The following PRKCB variants were observed in gnomAD, a reference collection of about 807,000 sequenced individuals.
PRKCB encodes the protein protein kinase C beta.
A neutral mutation model predicts 81.5 loss-of-function variants in PRKCB; 13 were observed. The ratio of observed to expected loss-of-function variants is 0.16; its 90% CI spans 0.10 to 0.25. The LOEUF is 0.25. Among genes scored for constraint, PRKCB ranks in the 10% least tolerant of loss-of-function variants. PRKCB has a pLI of 1.00. For missense variants in PRKCB, 509 were observed against 875.7 expected (o/e 0.58, Z 5.29); for synonymous variants, 335 against 321.4 (o/e 1.04, Z -0.45).
At position 24,156,697 on chromosome 16, in the gene PRKCB, C is replaced by G. The variant is rs189521912; in HGVS notation, c.1239+1840C>G. On this transcript the variant is annotated intron_variant, in intron 10 of 16. Transcript: ENST00000643927. ...TGGCAAAGACCAGGAAAGGGGTACACCTAACCTTACTAGTCCAAATCTCTA... is the reference window on the plus strand; with the variant it reads ...TGGCAAAGACCAGGAAAGGGGTACAGCTAACCTTACTAGTCCAAATCTCTA... Among the ~76,000 whole-genome samples the G allele has an allele frequency of 3.0e-4, 46 of 152,324 alleles. 1 individual carries two copies. The East Asian group carries it at 5.6e-3, about 19-fold the overall frequency.
chr16:24,008,781 A>G (rs1415917780), intron 3 of PRKCB, among the ~76,000 whole-genome samples: 1 of 152,210 alleles, frequency 6.6e-6, no homozygotes, highest in Non-Finnish European at 1.5e-5. Context: ...ATGCAGTACG[A>G]GACAGCAGAT....
At chr16:24,096,309 T>A (rs1966437508) in intron 7 of PRKCB, among the ~76,000 whole-genome samples, 2 of 152,094 alleles carry the variant, frequency 1.3e-5, no homozygotes, top group South Asian at 4.1e-4. Flanking sequence ...GTCACAAAGT[T>A]AACTTGGCCC....
At position 24,113,976 on chromosome 16, in the gene PRKCB, G is replaced by A. The variant is rs550710987; in HGVS notation, c.918+907G>A. ...TCACACCTGTAATTCCAGCACTTTG[G>A]GAAGCTGAAGCAGGCAGATCACTTG... is the stretch of plus-strand genomic sequence containing the variant. On this transcript the variant is annotated intron_variant, in intron 8 of 16. Coordinates refer to ENST00000643927, the MANE Select transcript of PRKCB (RefSeq NM_002738.7). Among the ~76,000 whole-genome samples the A allele has an allele frequency of 3.9e-5, 6 of 151,910 alleles. No individual in the cohort carries two copies. In the East Asian group the frequency reaches 9.9e-4, roughly 25 times the overall value.
chr16:24,074,914 G>A (rs1966159313), intron 5 of PRKCB, among the ~76,000 whole-genome samples: 1 of 152,102 alleles, frequency 6.6e-6, no homozygotes, highest in African/African-American at 2.4e-5. Flanking sequence ...TTGAGGCCAG[G>A]AGTTTGAGAC....
At chr16:24,153,725 A>G (rs1052616414) in intron 9 of PRKCB, among the ~76,000 whole-genome samples, 1 of 152,226 alleles carries the variant, frequency 6.6e-6, no homozygotes, top group African/African-American at 2.4e-5. Context: ...CTGGCCCTGA[A>G]TATGACCACA....
Position 24,218,508 on chromosome 16 carries a change from C to CA in PRKCB, c.*3693dup. On this transcript the variant is annotated 3_prime_UTR_variant, in exon 17 of 17. Coordinates refer to ENST00000643927, the MANE Select transcript of PRKCB (RefSeq NM_002738.7). ...CGTGTGCTCCTGAGTTCAGTGTGCC[C>CA]ACCTCACTCCCACACCCTCACATAG... The CA allele has an allele frequency of 1.0e-6, 1 of 985,420 alleles. No homozygotes were observed. 61.0% of individuals were successfully genotyped at this position (985,420 alleles called of 1,614,324 possible). A position where few individuals can be genotyped will look rare whatever the true frequency, so the allele number is the denominator to read the frequency against.
chr16:23,889,752 G>C (rs1963262789), intron 2 of PRKCB, among the ~76,000 whole-genome samples: 1 of 152,194 alleles, frequency 6.6e-6, no homozygotes, highest in Non-Finnish European at 1.5e-5. Context: ...AGCTGATCAG[G>C]CATGAGGCTG....
chr16:24,140,446 A>T (rs752688959), intron 9 of PRKCB, among the ~76,000 whole-genome samples: 1 of 152,038 alleles, frequency 6.6e-6, no homozygotes, highest in Non-Finnish European at 1.5e-5. Context: ...AAAGAGCTTT[A>T]CACACAAAGA....
At chr16:23,977,821 C>T (rs1426726630) in intron 2 of PRKCB, among the ~76,000 whole-genome samples, 1 of 152,118 alleles carries the variant, frequency 6.6e-6, no homozygotes, top group African/African-American at 2.4e-5. Flanking sequence ...GGGCCGGCTG[C>T]CCACAGATTC....
chr16:24,045,413 G>T (rs1236460839), intron 5 of PRKCB, among the ~76,000 whole-genome samples: 2 of 152,136 alleles, frequency 1.3e-5, no homozygotes, highest in Non-Finnish European at 2.9e-5. Context: ...CAGCAAGGTC[G>T]CTGGCATCAT....
At chr16:23,943,709 C>T (rs1168805007) in intron 2 of PRKCB, among the ~76,000 whole-genome samples, 1 of 152,118 alleles carries the variant, frequency 6.6e-6, no homozygotes, top group East Asian at 1.9e-4. Context: ...AATTTTTTTA[C>T]AAATCACACA....
At chr16:24,044,059 A>G (rs1332435945) in intron 5 of PRKCB, among the ~76,000 whole-genome samples, 1 of 152,256 alleles carries the variant, frequency 6.6e-6, no homozygotes, top group East Asian at 1.9e-4. Context: ...GTAGTTGTTG[A>G]AAGCATTGAA....
At chr16:24,071,785 T>C (rs1761573112) in intron 5 of PRKCB, among the ~76,000 whole-genome samples, 1 of 151,868 alleles carries the variant, frequency 6.6e-6, no homozygotes, top group Non-Finnish European at 1.5e-5. Context: ...GCCTACACCA[T>C]ATAAGGAGAT....
intron 9 of PRKCB, among the ~76,000 whole-genome samples, chr16:24,143,620 G>A (rs1966940371): frequency 6.6e-6 from 1 of 152,090 alleles, no homozygotes; most frequent in Non-Finnish European, 1.5e-5. Context: ...ATACACATGA[G>A]CTGTAACTTG....
intron 3 of PRKCB, 103 bp downstream of exon 3, chr16:23,988,693 C>T: frequency 9.0e-7 from 1 of 1,110,078 alleles, no homozygotes; most frequent in Non-Finnish European, 1.3e-6. Flanking sequence ...GACGATCTCA[C>T]TCTAAGGCAT....
At chr16:23,906,449 T>C (rs1963563148) in intron 2 of PRKCB, among the ~76,000 whole-genome samples, 1 of 152,162 alleles carries the variant, frequency 6.6e-6, no homozygotes, top group Non-Finnish European at 1.5e-5. Flanking sequence ...ATTTATAAAA[T>C]TGGTGTTTAA....
At chr16:24,085,392 CTTGA>C (rs1966299996) in intron 5 of PRKCB, among the ~76,000 whole-genome samples, 1 of 152,168 alleles carries the variant, frequency 6.6e-6, no homozygotes, top group Non-Finnish European at 1.5e-5. Flanking sequence ...TGGAATTTAT[CTTGA>C]TTGTTACATA....
chr16:23,985,088 T>G (rs1049978632), intron 2 of PRKCB, among the ~76,000 whole-genome samples: 2 of 152,064 alleles, frequency 1.3e-5, no homozygotes, highest in African/African-American at 2.4e-5. Context: ...TTGTTTTTGT[T>G]TGTTTGTTTG....
At chr16:23,852,184 T>C (rs1401914766) in intron 2 of PRKCB, among the ~76,000 whole-genome samples, 2 of 152,242 alleles carry the variant, frequency 1.3e-5, no homozygotes, top group African/African-American at 4.8e-5. Context: ...GTGGGCGTCC[T>C]GATCTTAGAG....
Sources: allele counts gnomAD v4.1 joint callset (sites outside exome capture counted in the v4.1 genomes callset), GRCh38; gene constraint gnomAD v4.1.1; transcripts MANE v1.5; gene names NCBI Gene and HGNC (gene_info 2026-07-23, HGNC 2026-07-21).